The following DMD variants were observed in gnomAD, a reference collection of about 807,000 sequenced individuals.
DMD encodes mutant dystrophin.
DMD carries 63 observed loss-of-function variants against 330.1 expected under a neutral mutation model. The observed-to-expected ratio is 0.19, with a 90% CI of 0.16 to 0.24. The LOEUF (loss-of-function observed/expected upper bound fraction) is 0.24. DMD is among the 10% of genes least tolerant of loss of function. The probability of loss-of-function intolerance (pLI) is 1.00; values close to 1 mark genes in which losing one functional copy is unlikely to be tolerated. For synonymous variants in DMD, 1,223 were observed against 959.8 expected (o/e 1.27, Z -5.07); for missense variants, 3,344 against 2,684.1 (o/e 1.25, Z -5.43).
At chrX:32,722,082 C>A (rs1022309780) in intron 7 of DMD, among the ~76,000 whole-genome samples, 1 of 109,671 alleles carries the variant, frequency 9.1e-6, no homozygotes, top group African/African-American at 3.3e-5. Flanking sequence ...ATTTCAAATC[C>A]AAAGAGCAGT....
intron 1 of DMD, among the ~76,000 whole-genome samples, chrX:33,216,685 TA>T (rs1323163445): frequency 8.9e-6 from 1 of 112,363 alleles, no homozygotes; most frequent in African/African-American, 3.2e-5. Flanking sequence ...TTCAAAAATA[TA>T]AAGCATAATT....
chrX:33,211,569 C>T (rs1188159338), upstream of DMD: 13 of 1,009,708 alleles, frequency 1.3e-5, no homozygotes, highest in Non-Finnish European at 1.0e-5. Flanking sequence ...CTGTAGAGGC[C>T]CCCGGATATT....
In DMD at chrX:32,882,503, G is replaced by A. The variant is rs767238591; in HGVS notation, c.94-32683C>T. Reference sequence around the variant, plus strand: ...TAAGTGTTGGGTCTGTGTTTAATGGGTAAGGATGATTTCTCATTCTTCCAA... The same window carrying A: ...TAAGTGTTGGGTCTGTGTTTAATGGATAAGGATGATTTCTCATTCTTCCAA... On this transcript the variant is annotated intron_variant, in intron 2 of 78. Transcript: ENST00000357033. 2.7e-5 allele frequency among the ~76,000 whole-genome samples: 3 copies of A among 112,052 alleles called. No individual in the cohort carries two copies. In the East Asian group the frequency reaches 8.5e-4, roughly 32 times the overall value.
intron 7 of DMD, among the ~76,000 whole-genome samples, chrX:32,803,789 G>T (rs752463862): frequency 8.9e-6 from 1 of 111,969 alleles, no homozygotes; most frequent in Non-Finnish European, 1.9e-5. Context: ...TCTTAATCCC[G>T]CATTCTAATT....
At position 32,130,207 on chromosome X, in the gene DMD, G is replaced by T. The variant is rs1001936911; in HGVS notation, c.6438+86709C>A. On this transcript the variant is annotated intron_variant, in intron 44 of 78. Coordinates refer to ENST00000357033, the MANE Select transcript of DMD (RefSeq NM_004006.3). The stretch of plus-strand genomic sequence containing the variant: ...TTATCACTCCACACTGGTGCAAGTG[G>T]TGCAGAAATAAGAGCAGATTATGGC... Among the ~76,000 whole-genome samples the T allele has an allele frequency of 2.7e-5, 3 of 111,027 alleles. No individual in the cohort carries two copies. In the East Asian group the frequency reaches 8.5e-4, roughly 31 times the overall value.
chrX:32,340,961 G>A (rs2097738651), intron 41 of DMD, among the ~76,000 whole-genome samples: 1 of 111,815 alleles, frequency 8.9e-6, no homozygotes, highest in South Asian at 3.7e-4. Flanking sequence ...ACAGAAAACA[G>A]TGTATTTATT....
intron 9 of DMD, among the ~76,000 whole-genome samples, chrX:32,659,217 C>T (rs1368951267): frequency 8.9e-6 from 1 of 112,118 alleles, no homozygotes; most frequent in Non-Finnish European, 1.9e-5. Flanking sequence ...ATATTCACCT[C>T]CTTAACATAC....
At chrX:32,810,918 T>G (rs1007929999) in intron 6 of DMD, among the ~76,000 whole-genome samples, 2 of 111,583 alleles carry the variant, frequency 1.8e-5, no homozygotes, top group Non-Finnish European at 3.8e-5. Context: ...CATAGTTTCC[T>G]GCACTTGGAT....
At chrX:33,092,881 T>C (rs923509402) in intron 1 of DMD, among the ~76,000 whole-genome samples, 4 of 110,616 alleles carry the variant, frequency 3.6e-5, no homozygotes, top group Non-Finnish European at 7.6e-5. Flanking sequence ...TTATTTTATT[T>C]ATTTATTTTT....
intron 7 of DMD, among the ~76,000 whole-genome samples, chrX:32,781,091 C>G (rs1326123261): frequency 1.9e-5 from 2 of 102,814 alleles, no homozygotes. Context: ...GCACTCCAGC[C>G]TGGGCGACGG....
chrX:32,144,508 T>G (rs1474023949), intron 44 of DMD, among the ~76,000 whole-genome samples: 1 of 111,741 alleles, frequency 8.9e-6, no homozygotes, highest in African/African-American at 3.3e-5. Flanking sequence ...TAATAGCACT[T>G]TAAAGTAATA....
chrX:32,437,425 C>T (rs776125576), intron 29 of DMD, among the ~76,000 whole-genome samples: 174 of 111,496 alleles, frequency 1.6e-3, no homozygotes, highest in Admixed American at 3.0e-3. Flanking sequence ...TTCAATAAGT[C>T]ATTAGTCAAT....
Position 31,569,652 on chromosome X carries a change from A to ATATATACGTATATACGTATATATACG in DMD, c.8217+58020_8217+58021insCGTATATATACGTATATACGTATATA, listed in dbSNP as rs1556698907. 8.7e-3 allele frequency among the ~76,000 whole-genome samples: 809 copies of ATATATACGTATATACGTATATATACG among 93,131 alleles called. 22 individuals carry two copies. Among genetic ancestry groups the ATATATACGTATATACGTATATATACG allele is most frequent in the African/African-American group, 0.028 (692 of 24,332 alleles). The allele number at this position is 93,131 out of a possible 115,157, so 80.9% of individuals were successfully genotyped here. A position where few individuals can be genotyped will look rare whatever the true frequency, so the allele number is the denominator to read the frequency against. On this transcript the variant is annotated intron_variant, in intron 55 of 78. Coordinates refer to ENST00000357033, the MANE Select transcript of DMD (RefSeq NM_004006.3). ...TATACGTATATATATGTATATACGTATATATACGTATATATACGTATATAT... is the reference window on the plus strand; with the variant it reads ...TATACGTATATATATGTATATACGTATATATACGTATATACGTATATATACGTATATACGTATATATACGTATATAT...
rs771216086 is a variant in DMD, at chrX:32,284,432, C to T, written c.6290+3097G>A. On this transcript the variant is annotated intron_variant, in intron 43 of 78. Transcript: ENST00000357033. ...AGCAGGGACTGAGTCTAATTCTTCT[C>T]TCTGTAGTTCTCAGGGAAATTTGAA... Among the ~76,000 whole-genome samples, 3 of 111,824 alleles carry T rather than the reference C, an allele frequency of 2.7e-5. No individual in the cohort carries two copies. The East Asian group carries it at 8.5e-4, about 32-fold the overall frequency.
chrX:33,226,751 T>C (rs2052297878), intron 1 of DMD, among the ~76,000 whole-genome samples: 1 of 111,080 alleles, frequency 9.0e-6, no homozygotes, highest in Admixed American at 9.7e-5. Context: ...TCTTTCTGTA[T>C]TATTTCTTAC....
At position 31,269,736 on chromosome X, in the gene DMD, C is replaced by T. The variant is rs1295208384; in HGVS notation, c.9225-8720G>A. On this transcript the variant is annotated intron_variant, in intron 62 of 78. Transcript: ENST00000357033. ...GGCGACCCAGTACATTTTCCCGTAGCCAAAACTCTGGTCTTTGAACCACTT... is the reference window on the plus strand; with the variant it reads ...GGCGACCCAGTACATTTTCCCGTAGTCAAAACTCTGGTCTTTGAACCACTT... Among the ~76,000 whole-genome samples the T allele has an allele frequency of 2.7e-5, 3 of 112,020 alleles. No homozygotes were observed. In the Admixed American group the frequency reaches 2.8e-4, roughly 11 times the overall value.
chrX:32,109,529 C>A (rs1296522196), intron 44 of DMD, among the ~76,000 whole-genome samples: 1 of 108,893 alleles, frequency 9.2e-6, no homozygotes, highest in Non-Finnish European at 1.9e-5. Flanking sequence ...ATACAAAATT[C>A]ATTAAAGAAA....
intron 52 of DMD, among the ~76,000 whole-genome samples, chrX:31,681,892 G>A (rs912152119): frequency 2.7e-5 from 3 of 111,844 alleles, no homozygotes; most frequent in Non-Finnish European, 3.8e-5. Context: ...TCAGGAGTTC[G>A]AGACCAGCCT....
chrX:32,939,225 AT>A (rs1234069083), intron 2 of DMD, among the ~76,000 whole-genome samples: 3 of 106,686 alleles, frequency 2.8e-5, no homozygotes, highest in Non-Finnish European at 3.9e-5. Context: ...TGAGATATAT[AT>A]GTATATATAT....
Sources: gnomAD v4.1 joint callset for allele counts (sites outside exome capture counted in the v4.1 genomes callset) on GRCh38, gnomAD v4.1.1 for gene constraint, MANE v1.5 for transcripts, NCBI Gene and HGNC (gene_info 2026-07-23, HGNC 2026-07-21) for gene names.